LONP2: variants seen among roughly 807,000 people sequenced by gnomAD.
LONP2 encodes lon peptidase 2, peroxisomal.
LONP2 carries 60 observed loss-of-function variants against 85.6 expected under a neutral mutation model. The observed-to-expected ratio is 0.70, with a 90% CI of 0.57 to 0.87. The LOEUF (loss-of-function observed/expected upper bound fraction) is 0.87. Among genes scored for constraint, LONP2 ranks in the 40% least tolerant of loss-of-function variants. The probability of loss-of-function intolerance (pLI) is 0.00; values close to 1 mark genes in which losing one functional copy is unlikely to be tolerated. For missense variants in LONP2, 860 were observed against 1,063.5 expected, an observed-to-expected ratio of 0.81 and a Z score of 2.66; for synonymous variants, 395 against 389.7, an observed-to-expected ratio of 1.01 and a Z score of -0.16.
chr16:48,269,910 C>T, intron 6 of LONP2, 106 bp from the exon 7 acceptor site: 1 of 1,141,102 alleles, frequency 8.8e-7, no homozygotes, highest in African/African-American at 1.6e-5. Context: ...CTGTTCTTAT[C>T]ACATCTATTT....
chr16:48,261,143 T>C (rs748232485), intron 4 of LONP2, among the ~76,000 whole-genome samples: 3 of 152,184 alleles, frequency 2.0e-5, no homozygotes, highest in Non-Finnish European at 4.4e-5. Flanking sequence ...GTTTAATTAT[T>C]TCTAGTATCC....
chr16:48,252,718 T>TA (rs973254782), intron 2 of LONP2, among the ~76,000 whole-genome samples: 1 of 152,230 alleles, frequency 6.6e-6, no homozygotes, highest in Non-Finnish European at 1.5e-5. Context: ...TTATATAAAT[T>TA]ACAATATATT....
At chr16:48,305,127 C>T (rs1391272774) in intron 11 of LONP2, among the ~76,000 whole-genome samples, 5 of 152,248 alleles carry the variant, frequency 3.3e-5, no homozygotes, top group East Asian at 1.9e-4. Flanking sequence ...CTCCAGAGAG[C>T]GAAGCTCCTA....
In LONP2 at chr16:48,273,860, A is replaced by G. The variant is rs76359599; in HGVS notation, c.1242-3478A>G. Among the ~76,000 whole-genome samples, 946 of 152,288 alleles carry G rather than the reference A, an allele frequency of 6.2e-3. 9 individuals carry two copies. Among genetic ancestry groups the G allele is most frequent in the African/African-American group, 0.021 (893 of 41,558 alleles). On this transcript the variant is annotated intron_variant, in intron 7 of 14. Coordinates refer to ENST00000285737, the MANE Select transcript of LONP2 (RefSeq NM_031490.5). ...TACCAGCTGTTTACTTAGATAATAA[A>G]ATTATATTATTGCAAGAAATCCTTG...
rs3138605 is a variant in LONP2, at chr16:48,298,626, GGTGTGTGTGTGTGT to G, written c.1535-1005_1535-992del. Among the ~76,000 whole-genome samples, 53 of 134,396 alleles carry G rather than the reference GGTGTGTGTGTGTGT, an allele frequency of 3.9e-4. No individual in the cohort carries two copies. The South Asian group carries it at 8.0e-3, about 20-fold the overall frequency. The allele number at this position is 134,396 out of a possible 152,430, so 88.2% of individuals were successfully genotyped here. ...TGGAACCCACTGCTTATTTAATTGAGGTGTGTGTGTGTGTGTGTGTGTGTGTGTGTGTGTGTGTG... is the reference window on the plus strand; with the variant it reads ...TGGAACCCACTGCTTATTTAATTGAGGTGTGTGTGTGTGTGTGTGTGTGTG... On this transcript the variant is annotated intron_variant, in intron 9 of 14. Coordinates refer to ENST00000285737, the MANE Select transcript of LONP2 (RefSeq NM_031490.5).
chr16:48,256,685 G>A lies in LONP2; in HGVS notation c.544G>A (p.Ala182Thr), dbSNP rs1450781372. 6.2e-7 allele frequency: 1 copy of A among 1,613,806 alleles called. No homozygotes were observed. Among genetic ancestry groups the A allele is most frequent in the East Asian group, 2.2e-5 (1 of 44,838 alleles). ...TCTTTTAGATAGTCTTCCAAGGGAA[G>A]CTTTACCAGACATCTTGACATCAAT... is the stretch of plus-strand genomic sequence containing the variant. ...RRLLDSLPRE[A>T]LPDILTSIIR... Residue 182 changes from alanine to threonine, a missense_variant, in exon 3 of 15, where the codon GCT becomes ACT. By Grantham distance (58) the Ala-to-Thr change is moderately conservative (BLOSUM62 0). Around this residue, in one of 3 missense-constraint regions of LONP2, gnomAD observed 743 missense variants for 917.3 expected, o/e 0.81. Coordinates refer to ENST00000285737, the MANE Select transcript of LONP2 (RefSeq NM_031490.5).
At chr16:48,305,553 C>T (rs1296055610) in intron 11 of LONP2, among the ~76,000 whole-genome samples, 1 of 152,186 alleles carries the variant, frequency 6.6e-6, no homozygotes, top group Admixed American at 6.5e-5. Flanking sequence ...CTGCGCCTGG[C>T]TTTATTTTTA....
Position 48,356,177 on chromosome 16 carries a change from G to A in LONP2, c.*4375G>A, listed in dbSNP as rs895064043. The A allele has an allele frequency of 1.3e-5, 2 of 152,222 alleles. No individual in the cohort carries two copies. Among genetic ancestry groups the A allele is most frequent in the Non-Finnish European group, 2.9e-5 (2 of 68,060 alleles). The allele number at this position is 152,222 out of a possible 1,614,324, so 9.4% of individuals were successfully genotyped here. ...TCCATGACCGTAAAGTACTGTGATAGTGATGTCTACCACTGTGAGCTTCCA... is the reference window on the plus strand; with the variant it reads ...TCCATGACCGTAAAGTACTGTGATAATGATGTCTACCACTGTGAGCTTCCA... On this transcript the variant is annotated 3_prime_UTR_variant, in exon 15 of 15. Transcript: ENST00000285737.
intron 1 of LONP2, among the ~76,000 whole-genome samples, chr16:48,246,637 C>T (rs991559256): frequency 1.3e-5 from 2 of 152,134 alleles, no homozygotes; most frequent in African/African-American, 2.4e-5. Context: ...GTGGCGTGAT[C>T]GTAGCCCACC....
intron 10 of LONP2, among the ~76,000 whole-genome samples, chr16:48,300,256 G>T (rs1392256073): frequency 6.6e-6 from 1 of 152,086 alleles, no homozygotes; most frequent in East Asian, 1.9e-4. Flanking sequence ...CTTCTCTTTG[G>T]CTGAGAGATT....
downstream of LONP2, among the ~76,000 whole-genome samples, chr16:48,359,255 C>T (rs1388100889): frequency 7.9e-5 from 12 of 152,162 alleles, 1 homozygote; most frequent in Admixed American, 3.9e-4. Context: ...TGAGCCACAG[C>T]GTCCAGCCAC....
In LONP2 at chr16:48,334,264, A is replaced by G. The variant is rs1341722263; in HGVS notation, c.1844A>G (p.Asp615Gly). 8.1e-6 allele frequency: 13 copies of G among 1,613,826 alleles called. No homozygotes were observed. The highest frequency in any genetic ancestry group is 9.3e-6 in the Non-Finnish European group (11 of 1,179,798). Residue 615 changes from aspartate (D) to glycine (G), a missense_variant, in exon 12 of 15, where the codon GAC becomes GGC. By Grantham distance (94) the Asp-to-Gly change is moderately conservative. Coordinates refer to ENST00000285737, the MANE Select transcript of LONP2 (RefSeq NM_031490.5). ...GATGAAAAACCTGAATCTATCAGTG[A>G]CACTACTGACTTGGCTCTACCACCT... ...LEDEKPESIS[D>G]TTDLALPPEM...
chr16:48,291,768 C>A (rs574701378), intron 8 of LONP2, among the ~76,000 whole-genome samples: 1 of 152,298 alleles, frequency 6.6e-6, no homozygotes, highest in South Asian at 2.1e-4. Context: ...CATGGACTCA[C>A]CAGTTTGCCT....
chr16:48,350,049 C>G (rs921971649), intron 14 of LONP2, among the ~76,000 whole-genome samples: 1 of 152,096 alleles, frequency 6.6e-6, no homozygotes, highest in African/African-American at 2.4e-5. Flanking sequence ...TCCAGGAGTT[C>G]AAGACCAGCC....
chr16:48,290,146 A>G (rs1466448304), intron 8 of LONP2, among the ~76,000 whole-genome samples: 4 of 152,086 alleles, frequency 2.6e-5, no homozygotes, highest in Non-Finnish European at 5.9e-5. Flanking sequence ...TATGAATTGT[A>G]TCTCTTAATT....
intron 1 of LONP2, among the ~76,000 whole-genome samples, chr16:48,248,997 C>T (rs1287771250): frequency 1.3e-5 from 2 of 151,894 alleles, no homozygotes; most frequent in African/African-American, 4.8e-5. Flanking sequence ...TAGATTTTCC[C>T]ACTACTGCAG....
At chr16:48,337,468 C>T (rs1362327436) in intron 12 of LONP2, among the ~76,000 whole-genome samples, 1 of 152,102 alleles carries the variant, frequency 6.6e-6, no homozygotes, top group Non-Finnish European at 1.5e-5. Context: ...GTTGTCTTTC[C>T]AATAACAGTT....
chr16:48,348,152 A>T lies in LONP2; in HGVS notation c.2199A>T (p.Pro733=). The T allele has an allele frequency of 1.2e-6, 2 of 1,611,968 alleles. No individual in the cohort carries two copies. Among genetic ancestry groups the T allele is most frequent in the East Asian group, 4.5e-5 (2 of 44,838 alleles). ...LDNTDIHLHF[P]AGAVTKDGPS... ...ACACAGACATCCATCTGCACTTCCCAGCTGGAGCTGTCACAAAAGATGGAC... is the reference window on the plus strand; with the variant it reads ...ACACAGACATCCATCTGCACTTCCCTGCTGGAGCTGTCACAAAAGATGGAC... The change falls in exon 14 of 15, where the codon CCA becomes CCT. Residue 733 remains proline, a synonymous_variant. Coordinates refer to ENST00000285737, the MANE Select transcript of LONP2 (RefSeq NM_031490.5).
downstream of LONP2, chr16:48,360,740 T>G (rs1478539171): frequency 6.6e-6 from 1 of 152,614 alleles, no homozygotes; most frequent in South Asian, 2.1e-4. Context: ...AAAGCCTGAT[T>G]TGCAGTATTT....
Sources: gnomAD v4.1 joint callset for allele counts (sites outside exome capture counted in the v4.1 genomes callset) on GRCh38, gnomAD v4.1.1 for gene constraint, gnomAD v4.1.1 regional missense constraint, MANE v1.5 for transcripts, NCBI Gene and HGNC (gene_info 2026-07-23, HGNC 2026-07-21) for gene names.